Variants in NTRK2 observed in about 807,000 individuals in gnomAD.
NTRK2 encodes BDNF/NT-3 growth factors receptor.
A neutral mutation model predicts 94.5 loss-of-function variants in NTRK2; 13 were observed. That is an observed-to-expected ratio of 0.14 (90% confidence interval 0.09 to 0.22). The LOEUF is 0.22. Ranked by LOEUF, NTRK2 falls within the 10% of genes least tolerant of loss-of-function variation. The pLI, the probability that NTRK2 is intolerant of heterozygous loss-of-function variation, is 1.00. For synonymous variants in NTRK2, 372 were observed against 407.4 expected (o/e 0.91, Z 1.05); for missense variants, 639 against 1,071.2 (o/e 0.60, Z 5.63).
At position 84,811,269 on chromosome 9, in the gene NTRK2, T is replaced by C. The variant is rs572882654; in HGVS notation, c.1397-49771T>C. ...TGTTAAGGATTGTCTTAAAGTTCCT[T>C]AGCCAGCAAAACAAAACAAAACAAA... On this transcript the variant is annotated intron_variant, in intron 12 of 18. Coordinates refer to ENST00000277120, the MANE Select transcript of NTRK2 (RefSeq NM_006180.6). 3.4e-5 allele frequency: 36 copies of C among 1,065,134 alleles called. No individual in the cohort carries two copies. The Admixed American group carries it at 1.8e-3, about 52-fold the overall frequency. The allele number at this position is 1,065,134 out of a possible 1,614,324, so 66.0% of individuals were successfully genotyped here. A position where few individuals can be genotyped will look rare whatever the true frequency, so the allele number is the denominator to read the frequency against.
chr9:84,881,646 T>C (rs569146713), intron 14 of NTRK2, among the ~76,000 whole-genome samples: 2 of 152,326 alleles, frequency 1.3e-5, no homozygotes, highest in South Asian at 4.2e-4. Flanking sequence ...AAAATACATC[T>C]CTACTTCATT....
intron 15 of NTRK2, among the ~76,000 whole-genome samples, chr9:84,946,668 T>C (rs1275822960): frequency 6.6e-6 from 1 of 152,214 alleles, no homozygotes; most frequent in African/African-American, 2.4e-5. Context: ...ATATTGGTTT[T>C]CTACAGCTGC....
chr9:84,857,498 G>A (rs1013383672), intron 12 of NTRK2, among the ~76,000 whole-genome samples: 4 of 151,888 alleles, frequency 2.6e-5, no homozygotes, highest in Non-Finnish European at 5.9e-5. Flanking sequence ...TAGTGTTAAA[G>A]TTTTAAGACG....
chr9:84,835,072 A>T (rs1441189230), intron 12 of NTRK2, among the ~76,000 whole-genome samples: 1 of 152,148 alleles, frequency 6.6e-6, no homozygotes, highest in African/African-American at 2.4e-5. Context: ...ACAACTGCCT[A>T]CCCATGCCTT....
intron 12 of NTRK2, among the ~76,000 whole-genome samples, chr9:84,857,860 C>A (rs1286270454): frequency 6.6e-6 from 1 of 152,070 alleles, no homozygotes; most frequent in Non-Finnish European, 1.5e-5. Context: ...TGATACGAAG[C>A]CTGTGTCTTG....
chr9:84,939,873 T>G (rs550407375), intron 15 of NTRK2, among the ~76,000 whole-genome samples: 28 of 152,218 alleles, frequency 1.8e-4, no homozygotes, highest in African/African-American at 6.5e-4. Context: ...CCCTCTGTAT[T>G]GGCTTAATTC....
intron 12 of NTRK2, among the ~76,000 whole-genome samples, chr9:84,819,704 C>T (rs1431441052): frequency 1.3e-5 from 2 of 152,208 alleles, no homozygotes; most frequent in Admixed American, 6.5e-5. Flanking sequence ...TAAACAGGCT[C>T]AGCCCTCCCT....
chr9:84,884,010 A>C (rs2132236704), intron 14 of NTRK2, among the ~76,000 whole-genome samples: 1 of 152,324 alleles, frequency 6.6e-6, no homozygotes, highest in Non-Finnish European at 1.5e-5. Flanking sequence ...GCAAATTCTA[A>C]AGTTTCTTTT....
intron 17 of NTRK2, among the ~76,000 whole-genome samples, chr9:84,960,866 G>A (rs575591528): frequency 6.6e-6 from 1 of 152,158 alleles, no homozygotes; most frequent in Non-Finnish European, 1.5e-5. Context: ...CTGGCACAGG[G>A]CATGGCGCAT....
Position 84,990,558 on chromosome 9 carries a change from A to G in NTRK2, c.2173-29648A>G, listed in dbSNP as rs79262661. On this transcript the variant is annotated intron_variant, in intron 17 of 18. Coordinates refer to ENST00000277120, the MANE Select transcript of NTRK2 (RefSeq NM_006180.6). ...TGTGTTGTCAGGCACAGATAAAGGC[A>G]TGGTGGAATTTGCCCATTCCTTTGA... 9.0e-3 allele frequency among the ~76,000 whole-genome samples: 1,367 copies of G among 152,318 alleles called. 13 individuals are homozygous for G. The highest frequency in any genetic ancestry group is 0.024 in the Middle Eastern group (7 of 294).
At chr9:84,936,639 T>C (rs1364072322) in intron 15 of NTRK2, among the ~76,000 whole-genome samples, 2 of 152,162 alleles carry the variant, frequency 1.3e-5, no homozygotes, top group East Asian at 3.9e-4. Context: ...CTATGATGAG[T>C]GCTTCTTTAA....
intron 2 of NTRK2, among the ~76,000 whole-genome samples, chr9:84,697,771 A>C (rs1374887347): frequency 1.3e-4 from 20 of 152,170 alleles, no homozygotes; most frequent in Non-Finnish European, 2.6e-4. Context: ...GCAGGGAAAG[A>C]AAGCTGTTAG....
At chr9:84,725,489 T>C (rs35766327) in intron 8 of NTRK2, among the ~76,000 whole-genome samples, 3,933 of 152,146 alleles carry the variant, frequency 0.026, 75 homozygotes, top group Admixed American at 0.047. Context: ...TGATGGGCCC[T>C]GGGTGTGGGG....
chr9:85,015,716 G>A (rs547807581), intron 17 of NTRK2, among the ~76,000 whole-genome samples: 1 of 152,302 alleles, frequency 6.6e-6, no homozygotes, highest in South Asian at 2.1e-4. Context: ...AGCAGGAAGG[G>A]AGAGTTTTTT....
At chr9:84,873,031 C>T in intron 14 of NTRK2, 1 of 1,063,304 alleles carries the variant, frequency 9.4e-7, no homozygotes, top group Non-Finnish European at 1.1e-6. Flanking sequence ...TTCTGAATTA[C>T]ATCCAGGACC....
intron 4 of NTRK2, among the ~76,000 whole-genome samples, chr9:84,706,784 C>A (rs985257204): frequency 1.3e-5 from 2 of 151,934 alleles, no homozygotes; most frequent in Non-Finnish European, 2.9e-5. Context: ...CCCACCTCGG[C>A]CTCCCAAAGT....
chr9:84,709,615 T>C (rs927495895), intron 5 of NTRK2, among the ~76,000 whole-genome samples: 1 of 151,948 alleles, frequency 6.6e-6, no homozygotes, highest in Non-Finnish European at 1.5e-5. Flanking sequence ...ACCACAGGAG[T>C]AAATGATGTT....
At chr9:84,907,851 A>G (rs1361354412) in intron 14 of NTRK2, among the ~76,000 whole-genome samples, 1 of 152,076 alleles carries the variant, frequency 6.6e-6, no homozygotes, top group Non-Finnish European at 1.5e-5. Flanking sequence ...GTCCAAGTTG[A>G]TAGCTTCTGA....
intron 14 of NTRK2, among the ~76,000 whole-genome samples, chr9:84,907,586 G>A (rs989369740): frequency 1.3e-5 from 2 of 152,208 alleles, no homozygotes; most frequent in Non-Finnish European, 2.9e-5. Flanking sequence ...TGTTCAGGGT[G>A]GGGGGATAAA....
Sources: gnomAD v4.1 joint callset for allele counts (sites outside exome capture counted in the v4.1 genomes callset) on GRCh38, gnomAD v4.1.1 for gene constraint, MANE v1.5 for transcripts, NCBI Gene and HGNC (gene_info 2026-07-23, HGNC 2026-07-21) for gene names.